UTRN: variants seen among roughly 807,000 people sequenced by gnomAD.
UTRN encodes the protein utrophin.
A neutral mutation model predicts 463.9 loss-of-function variants in UTRN; 283 were observed. The ratio of observed to expected loss-of-function variants is 0.61; its 90% CI spans 0.55 to 0.67. The LOEUF (loss-of-function observed/expected upper bound fraction) is 0.67. Ranked by LOEUF, UTRN falls within the 30% of genes least tolerant of loss-of-function variation. The probability of loss-of-function intolerance (pLI) is 0.00; values close to 1 mark genes in which losing one functional copy is unlikely to be tolerated. For synonymous variants in UTRN, 1,442 were observed against 1,431.5 expected (o/e 1.01, Z -0.17); for missense variants, 3,922 against 4,084.3 (o/e 0.96, Z 1.08).
At chr6:144,446,793 A>C (rs971841947) in intron 14 of UTRN, among the ~76,000 whole-genome samples, 1 of 152,202 alleles carries the variant, frequency 6.6e-6, no homozygotes, top group Non-Finnish European at 1.5e-5. Flanking sequence ...TAACTATCCA[A>C]GTGATCTGGG....
chr6:144,802,977 A>C (rs1384675121), intron 64 of UTRN, 59 bp from the exon 65 acceptor site: 1 of 1,232,952 alleles, frequency 8.1e-7, no homozygotes, highest in African/African-American at 1.5e-5. Flanking sequence ...ATTTCTTACC[A>C]CAAATTTAGA....
intron 51 of UTRN, among the ~76,000 whole-genome samples, chr6:144,614,797 T>C (rs1294257446): frequency 6.6e-6 from 1 of 152,136 alleles, no homozygotes; most frequent in Non-Finnish European, 1.5e-5. Flanking sequence ...ATGGAGTCTA[T>C]GTAGGGTTAG....
At chr6:144,470,449 G>A (rs569288973) in intron 23 of UTRN, among the ~76,000 whole-genome samples, 9 of 151,294 alleles carry the variant, frequency 5.9e-5, no homozygotes, top group African/African-American at 1.7e-4. Context: ...GGGCAGAGGC[G>A]CTCCTCACAT....
intron 41 of UTRN, among the ~76,000 whole-genome samples, chr6:144,527,000 G>C (rs1189545510): frequency 6.6e-6 from 1 of 151,894 alleles, no homozygotes; most frequent in Non-Finnish European, 1.5e-5. Flanking sequence ...GGGTTTCACT[G>C]TGTTAGCCAG....
chr6:144,294,251 T>C (rs1584162416), intron 2 of UTRN, among the ~76,000 whole-genome samples: 1 of 152,310 alleles, frequency 6.6e-6, no homozygotes, highest in East Asian at 1.9e-4. Flanking sequence ...CAGATATGAA[T>C]CACATTCTTT....
Position 144,429,754 on chromosome 6 carries a change from T to G in UTRN, c.855+13T>G, listed in dbSNP as rs760159063. 1.5e-5 allele frequency: 24 copies of G among 1,601,136 alleles called. No homozygotes were observed. The highest frequency in any genetic ancestry group is 1.4e-4 in the Admixed American group (8 of 56,038). Reference sequence around the variant, plus strand: ...AATTAATATACAGGTACAGGTAACATTTTATTAAGATGTTTGGCTTGCCGT... The same window carrying G: ...AATTAATATACAGGTACAGGTAACAGTTTATTAAGATGTTTGGCTTGCCGT... On this transcript the variant is annotated intron_variant, in intron 9 of 74. Transcript: ENST00000367545.
intron 58 of UTRN, among the ~76,000 whole-genome samples, chr6:144,771,471 G>A (rs531093947): frequency 1.2e-4 from 18 of 152,004 alleles, no homozygotes; most frequent in East Asian, 1.2e-3. Flanking sequence ...TGTCACCCAG[G>A]CTACAGTGCA....
chr6:144,452,284 T>C (rs1246707414), intron 18 of UTRN, among the ~76,000 whole-genome samples: 2 of 152,218 alleles, frequency 1.3e-5, no homozygotes, highest in Non-Finnish European at 2.9e-5. Context: ...CAGTAAACTT[T>C]GTGAAAATCA....
chr6:144,808,762 T>G (rs1336642160), intron 65 of UTRN, among the ~76,000 whole-genome samples: 1 of 151,980 alleles, frequency 6.6e-6, no homozygotes, highest in Non-Finnish European at 1.5e-5. Flanking sequence ...ATAAGTGAGA[T>G]CATGCAGTAT....
intron 74 of UTRN, among the ~76,000 whole-genome samples, chr6:144,848,371 A>C (rs540854515): frequency 6.6e-6 from 1 of 152,202 alleles, no homozygotes; most frequent in African/African-American, 2.4e-5. Context: ...ATTGGCATTT[A>C]AAAAGTTGAA....
chr6:144,740,554 G>A lies in UTRN; in HGVS notation c.7940-7692G>A, dbSNP rs9376848. The stretch of plus-strand genomic sequence containing the variant: ...AAGTCCAAATTAGATTAGTAAAGTT[G>A]TAATGCATGAAAAAGCGCAGAAAAA... On this transcript the variant is annotated intron_variant, in intron 54 of 74. Coordinates refer to ENST00000367545, the MANE Select transcript of UTRN (RefSeq NM_007124.3). Among the ~76,000 whole-genome samples the A allele has an allele frequency of 3.3e-3, 504 of 152,274 alleles. 18 individuals carry two copies. The East Asian group carries it at 0.078, about 24-fold the overall frequency.
At chr6:144,762,944 C>T (rs1792877123) in intron 58 of UTRN, among the ~76,000 whole-genome samples, 1 of 152,184 alleles carries the variant, frequency 6.6e-6, no homozygotes, top group Non-Finnish European at 1.5e-5. Flanking sequence ...GAGTTGTTGA[C>T]TTTTCAGTAA....
At chr6:144,841,253 T>C (rs1781551303) in intron 73 of UTRN, among the ~76,000 whole-genome samples, 1 of 152,242 alleles carries the variant, frequency 6.6e-6, no homozygotes, top group African/African-American at 2.4e-5. Flanking sequence ...TCAAACATTG[T>C]TCTCCAATGT....
chr6:144,414,842 C>A lies in UTRN; in HGVS notation c.142-7036C>A, dbSNP rs185957441. On this transcript the variant is annotated intron_variant, in intron 3 of 74. Transcript: ENST00000367545. ...GCGATTCTCCTGCCTCAGCCTCCTG[C>A]GTAGCTGGGATTACAAGTGTGCACC... is the stretch of plus-strand genomic sequence containing the variant. Among the ~76,000 whole-genome samples, 3 of 151,916 alleles carry A rather than the reference C, an allele frequency of 2.0e-5. No individual in the cohort carries two copies. The East Asian group carries it at 5.8e-4, about 30-fold the overall frequency.
intron 64 of UTRN, 152 bp from the exon 65 acceptor site, chr6:144,802,884 A>G: frequency 7.4e-6 from 3 of 405,364 alleles, no homozygotes; most frequent in Non-Finnish European, 1.3e-5. Flanking sequence ...TCTCCCTCTC[A>G]TGTATAAACA....
chr6:144,451,061 G>A (rs185010548), intron 17 of UTRN, among the ~76,000 whole-genome samples: 12 of 152,266 alleles, frequency 7.9e-5, no homozygotes, highest in Admixed American at 5.9e-4. Flanking sequence ...GCAGTGAGCC[G>A]AGATCGTGCC....
At chr6:144,399,662 A>G (rs1190847046) in intron 2 of UTRN, among the ~76,000 whole-genome samples, 2 of 152,206 alleles carry the variant, frequency 1.3e-5, no homozygotes, top group African/African-American at 4.8e-5. Flanking sequence ...TCTCTCTAAT[A>G]ACAGTAGAGT....
At chr6:144,389,003 G>T (rs889346828) in intron 2 of UTRN, among the ~76,000 whole-genome samples, 3 of 152,186 alleles carry the variant, frequency 2.0e-5, no homozygotes, top group Non-Finnish European at 4.4e-5. Flanking sequence ...ATTTTGCTAA[G>T]ATTGAGAGTG....
intron 54 of UTRN, among the ~76,000 whole-genome samples, chr6:144,744,318 ATATGTGTG>A (rs1208422767): frequency 2.4e-4 from 32 of 135,592 alleles, no homozygotes; most frequent in East Asian, 6.5e-4. Flanking sequence ...ATATATATAT[ATATGTGTG>A]TGTGTGTGTG....
Sources: gnomAD v4.1 joint callset for allele counts (sites outside exome capture counted in the v4.1 genomes callset) on GRCh38, gnomAD v4.1.1 for gene constraint, MANE v1.5 for transcripts, NCBI Gene and HGNC (gene_info 2026-07-23, HGNC 2026-07-21) for gene names.